GLS: variants seen among roughly 807,000 people sequenced by gnomAD.
The protein encoded by GLS is glutaminase kidney isoform, mitochondrial.
GLS carries 36 observed loss-of-function variants against 86.7 expected under a neutral mutation model. That is an observed-to-expected ratio of 0.42 (90% CI 0.32 to 0.55). The LOEUF (loss-of-function observed/expected upper bound fraction) is 0.55. Among genes scored for constraint, GLS ranks in the 20% least tolerant of loss-of-function variants. The pLI is 0.17. For missense variants in GLS, 528 were observed against 833.4 expected, an observed-to-expected ratio of 0.63 and a Z score of 4.51; for synonymous variants, 317 against 305.9, an observed-to-expected ratio of 1.04 and a Z score of -0.38.
intron 7 of GLS, chr2:190,919,722 T>TA (rs1689672441): frequency 1.6e-6 from 1 of 620,320 alleles, no homozygotes; most frequent in Admixed American, 6.3e-5. Flanking sequence ...GCTTTGGAGT[T>TA]ACATTTCTAC....
intron 6 of GLS, among the ~76,000 whole-genome samples, chr2:190,906,794 G>T (rs933590420): frequency 6.6e-6 from 1 of 151,962 alleles, no homozygotes; most frequent in Non-Finnish European, 1.5e-5. Context: ...TACACTTTTT[G>T]TGTGTGTATG....
In GLS at chr2:190,935,301, T is replaced by G. The variant is rs952001489; in HGVS notation, c.1650+3664T>G. On this transcript the variant is annotated intron_variant, in intron 14 of 17. Coordinates refer to ENST00000320717, the MANE Select transcript of GLS (RefSeq NM_014905.5). This position sits in a 1 kb window ranked among gnomAD's most constrained non-coding sequence, Gnocchi z 4.2. ...TTATTTTAAGCTGATTTTATTGTTT[T>G]TTTTGTTTTGTTTTGTTTTGTTTTT... 1.8e-5 allele frequency: 9 copies of G among 493,072 alleles called. No homozygotes were observed. Among genetic ancestry groups the G allele is most frequent in the South Asian group, 1.8e-4 (2 of 11,190 alleles). The allele number at this position is 493,072 out of a possible 1,614,324, so 30.5% of individuals were successfully genotyped here. A position where few individuals can be genotyped will look rare whatever the true frequency, so the allele number is the denominator to read the frequency against.
intron 1 of GLS, among the ~76,000 whole-genome samples, chr2:190,888,408 A>G (rs1032691377): frequency 4.6e-5 from 7 of 152,218 alleles, no homozygotes; most frequent in Non-Finnish European, 1.0e-4. Context: ...ATTGTAATCA[A>G]TAGAGTTTAA....
chr2:190,887,009 T>C (rs941976413), intron 1 of GLS, among the ~76,000 whole-genome samples: 2 of 152,126 alleles, frequency 1.3e-5, no homozygotes, highest in South Asian at 4.1e-4. Flanking sequence ...CCATATAAGC[T>C]GAAAGCCTAA....
At chr2:190,917,155 T>G (rs1689564282) in intron 7 of GLS, among the ~76,000 whole-genome samples, 1 of 152,306 alleles carries the variant, frequency 6.6e-6, no homozygotes, top group African/African-American at 2.4e-5. Context: ...AAAATTGGAG[T>G]CAGTCCTCCA....
intron 11 of GLS, among the ~76,000 whole-genome samples, chr2:190,926,250 C>T (rs1314912388): frequency 6.6e-6 from 1 of 152,138 alleles, no homozygotes; most frequent in Non-Finnish European, 1.5e-5. Flanking sequence ...ATTCAGAAAG[C>T]CTTGCATGAT....
Position 190,965,074 on chromosome 2 carries a change from AATAAT to A in GLS, c.*2092_*2096del, listed in dbSNP as rs1270722954. ...CTCGGGCTGTTTGCTGTTGGCTGGT[AATAAT>A]ATATTTGATTTAAATGCTGTTGACT... On this transcript the variant is annotated 3_prime_UTR_variant, in exon 18 of 18. Coordinates refer to ENST00000320717, the MANE Select transcript of GLS (RefSeq NM_014905.5). This position sits in a 1 kb window ranked among gnomAD's most constrained non-coding sequence, Gnocchi z 5.0. The A allele has an allele frequency of 6.6e-6, 1 of 152,316 alleles. No homozygotes were observed. The highest frequency in any genetic ancestry group is 2.4e-5 in the African/African-American group (1 of 41,554). The allele number at this position is 152,316 out of a possible 1,614,324, so 9.4% of individuals were successfully genotyped here. A position where few individuals can be genotyped will look rare whatever the true frequency, so the allele number is the denominator to read the frequency against.
intron 3 of GLS, among the ~76,000 whole-genome samples, chr2:190,899,856 A>G (rs528967121): frequency 1.3e-5 from 2 of 151,970 alleles, no homozygotes; most frequent in Non-Finnish European, 2.9e-5. Flanking sequence ...CTATATTTTT[A>G]AAATACTTTT....
At chr2:190,937,840 GTTTT>G (rs1197759246) in intron 14 of GLS, among the ~76,000 whole-genome samples, 80 of 128,398 alleles carry the variant, frequency 6.2e-4, no homozygotes, top group Non-Finnish European at 1.1e-3. Context: ...GAATCTGTGG[GTTTT>G]TTTTTTTTTT....
At chr2:190,941,264 C>A (rs1283520220) in intron 14 of GLS, among the ~76,000 whole-genome samples, 1 of 152,206 alleles carries the variant, frequency 6.6e-6, no homozygotes, top group South Asian at 2.1e-4. Context: ...AATACTGATG[C>A]ATGTAGATCT....
At position 190,935,601 on chromosome 2, in the gene GLS, T is replaced by G. The variant is rs997283121; in HGVS notation, c.1650+3964T>G. Among the ~76,000 whole-genome samples the G allele has an allele frequency of 1.3e-5, 2 of 151,272 alleles. No individual in the cohort carries two copies. The highest frequency in any genetic ancestry group is 4.8e-5 in the African/African-American group (2 of 41,394). On this transcript the variant is annotated intron_variant, in intron 14 of 17. Transcript: ENST00000320717. The surrounding 1 kb of genome is among the most constrained non-coding windows in gnomAD (Gnocchi z 4.2). Reference sequence around the variant, plus strand: ...TTGGTGGTTTTTCCATTTGGTAACTTTAAAAAAAGTGCAACCCTATTTGTA... The same window carrying G: ...TTGGTGGTTTTTCCATTTGGTAACTGTAAAAAAAGTGCAACCCTATTTGTA...
rs1689103250 is a variant in GLS, at chr2:190,905,459, C to G, written c.979+292C>G. Among the ~76,000 whole-genome samples, 1 of 151,986 alleles carries G rather than the reference C, an allele frequency of 6.6e-6. No homozygotes were observed. Among genetic ancestry groups the G allele is most frequent in the Non-Finnish European group, 1.5e-5 (1 of 67,938 alleles). On this transcript the variant is annotated intron_variant, in intron 6 of 17. Transcript: ENST00000320717. The surrounding 1 kb of genome is among the most constrained non-coding windows in gnomAD (Gnocchi z 4.6). ...TTGCTTTAAAATAATTTAGTTAAGG[C>G]AGCTGGGAGTGCTGGGTATGATTAT... is the stretch of plus-strand genomic sequence containing the variant.
In GLS at chr2:190,955,661, A is replaced by G. The variant is rs569346872; in HGVS notation, c.1853+843A>G. Among the ~76,000 whole-genome samples the G allele has an allele frequency of 1.0e-3, 153 of 152,286 alleles. 3 individuals are homozygous for G. Among genetic ancestry groups the G allele is most frequent in the African/African-American group, 3.6e-3 (150 of 41,570 alleles). On this transcript the variant is annotated intron_variant, in intron 17 of 17. Transcript: ENST00000320717. The surrounding 1 kb of genome is among the most constrained non-coding windows in gnomAD (Gnocchi z 5.6). Reference sequence around the variant, plus strand: ...ATATACCCAGTAATGGGATTGCTGGATCAAATGGTATTTCTGGTTCTAGAT... The same window carrying G: ...ATATACCCAGTAATGGGATTGCTGGGTCAAATGGTATTTCTGGTTCTAGAT...
rs1238476365 is a variant in GLS, at chr2:190,953,774, A to G, written c.1712+148A>G. The G allele has an allele frequency of 1.6e-6, 1 of 633,272 alleles. No homozygotes were observed. Among genetic ancestry groups the G allele is most frequent in the East Asian group, 2.6e-5 (1 of 38,484 alleles). 39.2% of individuals were successfully genotyped at this position (633,272 alleles called of 1,614,324 possible). On this transcript the variant is annotated intron_variant, in intron 15 of 17. Transcript: ENST00000320717. The surrounding 1 kb of genome is among the most constrained non-coding windows in gnomAD (Gnocchi z 4.0). The stretch of plus-strand genomic sequence containing the variant: ...AAATTTTTATTAAATAGGCACTTCC[A>G]GTGCCTTAGGCCTGCTTTCCAATCT...
In GLS at chr2:190,962,091, A is replaced by G. The variant is rs1691018281; in HGVS notation, c.1854-739A>G. ...GTAGTTCTGTCTCCTCTTGCAAAAG[A>G]CTTACCACTTCTGGCAAGTGATTAA... On this transcript the variant is annotated intron_variant, in intron 17 of 17. Coordinates refer to ENST00000320717, the MANE Select transcript of GLS (RefSeq NM_014905.5). The surrounding 1 kb of genome is among the most constrained non-coding windows in gnomAD (Gnocchi z 4.2). 6.6e-6 allele frequency among the ~76,000 whole-genome samples: 1 copy of G among 152,000 alleles called. No individual in the cohort carries two copies. The highest frequency in any genetic ancestry group is 2.1e-4 in the South Asian group (1 of 4,832).
intron 14 of GLS, among the ~76,000 whole-genome samples, chr2:190,944,349 A>C (rs890304831): frequency 6.6e-6 from 1 of 152,142 alleles, no homozygotes; most frequent in African/African-American, 2.4e-5. Context: ...CTTGTCCTCT[A>C]TCCTAACACA....
intron 1 of GLS, among the ~76,000 whole-genome samples, chr2:190,883,737 T>A (rs1273718671): frequency 6.6e-6 from 1 of 152,222 alleles, no homozygotes; most frequent in Non-Finnish European, 1.5e-5. Context: ...TGAGTTGCAC[T>A]GTTTACCTTT....
intron 6 of GLS, among the ~76,000 whole-genome samples, chr2:190,906,701 C>T (rs1689149400): frequency 1.3e-5 from 2 of 152,054 alleles, no homozygotes; most frequent in South Asian, 4.1e-4. Context: ...GCTCTTGAGT[C>T]CTGATTTAGT....
At position 190,889,059 on chromosome 2, in the gene GLS, G is replaced by C. The variant is rs531698015; in HGVS notation, c.387-6093G>C. On this transcript the variant is annotated intron_variant, in intron 1 of 17. Transcript: ENST00000320717. The stretch of plus-strand genomic sequence containing the variant: ...AAGTTTATGATCTCACTTTAGTGTA[G>C]TGATTTGGAGGACATCTATTTTTAG... 9.2e-5 allele frequency among the ~76,000 whole-genome samples: 14 copies of C among 152,298 alleles called. No individual in the cohort carries two copies. The South Asian group carries it at 2.9e-3, about 32-fold the overall frequency.
Sources: allele counts gnomAD v4.1 joint callset (sites outside exome capture counted in the v4.1 genomes callset), GRCh38; gene constraint gnomAD v4.1.1; non-coding constraint Gnocchi (gnomAD v3.1); transcripts MANE v1.5; gene names NCBI Gene and HGNC (gene_info 2026-07-23, HGNC 2026-07-21).